JAKMIP1: variants seen among roughly 807,000 people sequenced by gnomAD.
JAKMIP1 encodes janus kinase and microtubule-interacting protein 1.
In JAKMIP1, 33 loss-of-function variants were observed where a neutral mutation model predicts 113.0. The observed-to-expected ratio is 0.29, with a 90% confidence interval of 0.22 to 0.39. The LOEUF (loss-of-function observed/expected upper bound fraction) is 0.39. Ranked by LOEUF, JAKMIP1 falls within the 10% of genes least tolerant of loss-of-function variation. The probability of loss-of-function intolerance (pLI) is 1.00; values close to 1 mark genes in which losing one functional copy is unlikely to be tolerated. For missense variants in JAKMIP1, 813 were observed against 1,080.5 expected, an observed-to-expected ratio of 0.75 and a Z score of 3.47; for synonymous variants, 480 against 459.9, an observed-to-expected ratio of 1.04 and a Z score of -0.56.
At chr4:6,098,581 AGAAG>A (rs1302482035) in intron 3 of JAKMIP1, among the ~76,000 whole-genome samples, 16 of 148,292 alleles carry the variant, frequency 1.1e-4, no homozygotes, top group Non-Finnish European at 2.1e-4. Flanking sequence ...AAAGAAAGAA[AGAAG>A]GAAAGGAAGA....
At chr4:6,195,048 C>T (rs879291175) in intron 1 of JAKMIP1, among the ~76,000 whole-genome samples, 2 of 152,202 alleles carry the variant, frequency 1.3e-5, no homozygotes, top group Non-Finnish European at 2.9e-5. Context: ...ATCCTCACAA[C>T]CGAGGGATGT....
chr4:6,073,097 A>G (rs895726818), intron 8 of JAKMIP1, among the ~76,000 whole-genome samples: 9 of 142,680 alleles, frequency 6.3e-5, no homozygotes, highest in African/African-American at 2.1e-4. Flanking sequence ...AAAAAAAAAA[A>G]GTGCTTGAGC....
At chr4:6,048,411 G>T (rs1002122637) in intron 16 of JAKMIP1, among the ~76,000 whole-genome samples, 3 of 152,224 alleles carry the variant, frequency 2.0e-5, no homozygotes, top group African/African-American at 7.2e-5. Flanking sequence ...ATGGTAGAAA[G>T]AAATATATAA....
chr4:6,149,878 T>G (rs1162390671), intron 1 of JAKMIP1, among the ~76,000 whole-genome samples: 4 of 151,866 alleles, frequency 2.6e-5, no homozygotes, highest in Non-Finnish European at 5.9e-5. Context: ...CCCAGTGACC[T>G]CTCCCTTCCA....
chr4:6,079,171 T>C (rs1720132613), intron 7 of JAKMIP1, among the ~76,000 whole-genome samples, 173 bp from the exon 8 acceptor site: 1 of 152,212 alleles, frequency 6.6e-6, no homozygotes, highest in African/African-American at 2.4e-5. Flanking sequence ...AGGGAGAGTT[T>C]ATTATCCACC....
At chr4:6,029,879 G>T (rs1712370765) in intron 19 of JAKMIP1, 98 bp from the exon 20 acceptor site, 2 of 844,404 alleles carry the variant, frequency 2.4e-6, no homozygotes, top group Non-Finnish European at 2.0e-6. Context: ...AAGCTGTAAA[G>T]GATACCAACA....
At chr4:6,053,907 AAAG>A in intron 13 of JAKMIP1, 140 bp downstream of exon 13, 9 of 1,518,946 alleles carry the variant, frequency 5.9e-6, no homozygotes, top group Non-Finnish European at 7.0e-6. Flanking sequence ...TTAAAAAAAA[AAAG>A]AAAGAAAGAA....
chr4:6,129,206 A>T lies in JAKMIP1; in HGVS notation c.-147-16209T>A, dbSNP rs73198073. 2.6e-5 allele frequency among the ~76,000 whole-genome samples: 4 copies of T among 152,348 alleles called. No homozygotes were observed. The highest frequency in any genetic ancestry group is 5.9e-5 in the Non-Finnish European group (4 of 68,024). On this transcript the variant is annotated intron_variant, in intron 1 of 20. Transcript: ENST00000409021. This position sits in a 1 kb window ranked among gnomAD's most constrained non-coding sequence, Gnocchi z 5.4. ...ACACACGCCATCCAGCCATCAAGGGACACAGGTTTCCTGATTCCTTGATAA... is the reference window on the plus strand; with the variant it reads ...ACACACGCCATCCAGCCATCAAGGGTCACAGGTTTCCTGATTCCTTGATAA...
At chr4:6,083,402 CAAA>C (rs77719269) in intron 5 of JAKMIP1, among the ~76,000 whole-genome samples, 6 of 109,894 alleles carry the variant, frequency 5.5e-5, no homozygotes, top group Admixed American at 9.5e-5. Context: ...GACTCCACCT[CAAA>C]AAAAAAAAAA....
At chr4:6,035,345 C>T (rs1174652994) in intron 19 of JAKMIP1, among the ~76,000 whole-genome samples, 1 of 152,048 alleles carries the variant, frequency 6.6e-6, no homozygotes, top group Admixed American at 6.6e-5. Context: ...GAGCCACTGC[C>T]CGACACATGG....
chr4:6,060,924 T>C (rs1444605052), intron 10 of JAKMIP1, among the ~76,000 whole-genome samples: 4 of 152,200 alleles, frequency 2.6e-5, no homozygotes, highest in African/African-American at 9.6e-5. Context: ...CACAATTGCA[T>C]AGCCCCTGGC....
rs28444259 is a variant in JAKMIP1, at chr4:6,155,100, A to T, written c.-147-42103T>A. The stretch of plus-strand genomic sequence containing the variant: ...CTGCTGGGAAGATACTTCTGGTGAC[A>T]GTGTTGGGGTGTGCTGAAATTGGAT... On this transcript the variant is annotated intron_variant, in intron 1 of 20. Coordinates refer to ENST00000409021, the MANE Select transcript of JAKMIP1 (RefSeq NM_001099433.2). This position sits in a 1 kb window ranked among gnomAD's most constrained non-coding sequence, Gnocchi z 6.1. 0.1 allele frequency among the ~76,000 whole-genome samples: 15,190 copies of T among 152,122 alleles called. 808 individuals carry two copies. Among genetic ancestry groups the T allele is most frequent in the African/African-American group, 0.12 (5,049 of 41,476 alleles).
chr4:6,175,775 G>A (rs2109030865), intron 1 of JAKMIP1, among the ~76,000 whole-genome samples: 1 of 152,338 alleles, frequency 6.6e-6, no homozygotes. Context: ...TCAAAACTCA[G>A]ACATTGTTTT....
rs1374034828 is a variant in JAKMIP1 at position 6,062,439 on chromosome 4, G to A, written c.1433C>T (p.Ala478Val). Residue 478 changes from alanine (A) to valine (V), a missense_variant and splice_region_variant, in exon 10 of 21, where the codon GCC becomes GTC. Transcript: ENST00000409021. ...CAGGTCAGCCTCCTCTCGGGCTGTG[G>A]CCTTCACATAATGGAGAAGAAAACA... ...PATPEEDLDDATAREEADLRF... is the reference protein window; with the variant it reads ...PATPEEDLDDVTAREEADLRF... The A allele has an allele frequency of 6.2e-7, 1 of 1,612,360 alleles. No individual in the cohort carries two copies. Among genetic ancestry groups the A allele is most frequent in the Non-Finnish European group, 8.5e-7 (1 of 1,178,860 alleles).
At chr4:6,152,795 T>C (rs1721750107) in intron 1 of JAKMIP1, among the ~76,000 whole-genome samples, 1 of 124,194 alleles carries the variant, frequency 8.1e-6, no homozygotes, top group Admixed American at 8.4e-5. Context: ...TACAAATATA[T>C]ATATATATAT....
chr4:6,082,048 A>T (rs1007167128), intron 5 of JAKMIP1, among the ~76,000 whole-genome samples: 2 of 152,148 alleles, frequency 1.3e-5, no homozygotes, highest in African/African-American at 4.8e-5. Flanking sequence ...AACAACTTAA[A>T]TATCTATCAA....
chr4:6,125,167 T>A (rs534580281), intron 1 of JAKMIP1, among the ~76,000 whole-genome samples: 6 of 152,174 alleles, frequency 3.9e-5, no homozygotes, highest in African/African-American at 1.4e-4. Context: ...ATGGTGTGTG[T>A]GCCACCCCAC....
chr4:6,181,936 G>A lies in JAKMIP1; in HGVS notation c.-148+18317C>T, dbSNP rs1391212370. Among the ~76,000 whole-genome samples, 1 of 152,136 alleles carries A rather than the reference G, an allele frequency of 6.6e-6. No homozygotes were observed. Among genetic ancestry groups the A allele is most frequent in the East Asian group, 1.9e-4 (1 of 5,178 alleles). ...GGATGGGTGATGCCCAAGGAGATGA[G>A]CCTGTGCAGACAGGAGGAGGAGGGG... On this transcript the variant is annotated intron_variant, in intron 1 of 20. Coordinates refer to ENST00000409021, the MANE Select transcript of JAKMIP1 (RefSeq NM_001099433.2). This position sits in a 1 kb window ranked among gnomAD's most constrained non-coding sequence, Gnocchi z 5.4.
At chr4:6,099,628 G>A (rs1019889941) in intron 3 of JAKMIP1, among the ~76,000 whole-genome samples, 7 of 152,128 alleles carry the variant, frequency 4.6e-5, no homozygotes, top group Admixed American at 2.0e-4. Context: ...AAAAGAGATC[G>A]TCTCAGACAT....
Sources: gnomAD v4.1 joint callset for allele counts (sites outside exome capture counted in the v4.1 genomes callset) on GRCh38, gnomAD v4.1.1 for gene constraint, Gnocchi (gnomAD v3.1) non-coding constraint, MANE v1.5 for transcripts, NCBI Gene and HGNC (gene_info 2026-07-23, HGNC 2026-07-21) for gene names.